GPM6B: variants seen among roughly 807,000 people sequenced by gnomAD.
The protein encoded by GPM6B is glycoprotein M6B, also known as neuronal membrane glycoprotein M6-b.
In GPM6B, 4 loss-of-function variants were observed where a neutral mutation model predicts 27.2. The observed-to-expected ratio is 0.15, with a 90% CI of 0.07 to 0.34. The LOEUF (loss-of-function observed/expected upper bound fraction) is 0.34, where lower values mean the gene tolerates loss of function less well. GPM6B is among the 10% of genes least tolerant of loss of function. GPM6B has a pLI of 1.00. For missense variants in GPM6B, 183 were observed against 261.9 expected (o/e 0.70, Z 2.08); for synonymous variants, 124 against 103.1 (o/e 1.20, Z -1.23).
intron 1 of GPM6B, among the ~76,000 whole-genome samples, chrX:13,916,906 C>T (rs1486112352): frequency 9.0e-6 from 1 of 111,283 alleles, no homozygotes; most frequent in Non-Finnish European, 1.9e-5. Context: ...CATCACTGTG[C>T]CCATGAATTA....
At chrX:13,778,775 A>T (rs2048462258) in intron 5 of GPM6B, among the ~76,000 whole-genome samples, 2 of 111,743 alleles carry the variant, frequency 1.8e-5, no homozygotes, top group Non-Finnish European at 3.8e-5. Context: ...TTAGATATTC[A>T]TTTACAAATA....
chrX:13,787,673 T>C (rs1410885013), intron 2 of GPM6B, among the ~76,000 whole-genome samples: 1 of 112,502 alleles, frequency 8.9e-6, no homozygotes, highest in East Asian at 2.8e-4. Context: ...CTCAATCTTA[T>C]TTTGTCACAT....
At chrX:13,774,534 C>T (rs765115975) in intron 7 of GPM6B, 4 of 1,206,253 alleles carry the variant, frequency 3.3e-6, no homozygotes, top group Non-Finnish European at 4.5e-6. Context: ...TCTAAAACTC[C>T]TTATGCAATT....
Position 13,861,033 on chromosome X carries a change from CACACACACACATATAT to C in GPM6B, c.-197-75241_-197-75226del, listed in dbSNP as rs1240039054. Among the ~76,000 whole-genome samples the C allele has an allele frequency of 1.7e-3, 154 of 91,507 alleles. 1 individual carries two copies. Among genetic ancestry groups the C allele is most frequent in the African/African-American group, 5.2e-3 (108 of 20,800 alleles). 79.5% of individuals were successfully genotyped at this position (91,507 alleles called of 115,157 possible). On this transcript the variant is annotated intron_variant, in intron 1 of 6. Transcript: ENST00000398361. ...ACACACACACACACACACACACACA[CACACACACACATATAT>C]ACATATATATACACATACATATATA...
chrX:13,925,345 T>C (rs1254480135), intron 1 of GPM6B, among the ~76,000 whole-genome samples: 1 of 111,809 alleles, frequency 8.9e-6, no homozygotes, highest in African/African-American at 3.3e-5. Context: ...TACTTTTTTA[T>C]TTTTTAGAAA....
intron 2 of GPM6B, among the ~76,000 whole-genome samples, chrX:13,805,047 C>T (rs1054361955): frequency 1.8e-5 from 2 of 111,283 alleles, no homozygotes; most frequent in Non-Finnish European, 3.8e-5. Context: ...ATTAACAGTC[C>T]CCGTGGAGGC....
chrX:13,934,278 G>A (rs1176751136), intron 1 of GPM6B, among the ~76,000 whole-genome samples: 2 of 111,109 alleles, frequency 1.8e-5, no homozygotes, highest in African/African-American at 6.5e-5. Flanking sequence ...GACTCAGAGG[G>A]AGGGAAGCTA....
chrX:13,907,136 G>A lies in GPM6B; in HGVS notation c.-198+31191C>T, dbSNP rs1211647057. 3.6e-5 allele frequency among the ~76,000 whole-genome samples: 4 copies of A among 112,189 alleles called. No homozygotes were observed. In the East Asian group the frequency reaches 8.3e-4, roughly 23 times the overall value. On this transcript the variant is annotated intron_variant, in intron 1 of 6. Coordinates refer to the GPM6B transcript ENST00000398361. Reference sequence around the variant, plus strand: ...TTTTGTGCTCTGTCAACTCTTAAGCGACCACAAAAGCCCTATGGGGGATAA... The same window carrying A: ...TTTTGTGCTCTGTCAACTCTTAAGCAACCACAAAAGCCCTATGGGGGATAA...
At chrX:13,841,805 G>A (rs1014631516) in intron 1 of GPM6B, among the ~76,000 whole-genome samples, 4 of 111,497 alleles carry the variant, frequency 3.6e-5, no homozygotes, top group Admixed American at 1.9e-4. Context: ...GGCTATCACC[G>A]ACCTTCATGG....
intron 2 of GPM6B, among the ~76,000 whole-genome samples, chrX:13,801,921 G>A (rs1375697832): frequency 9.0e-6 from 1 of 111,103 alleles, no homozygotes; most frequent in Admixed American, 9.6e-5. Context: ...ATTCCGTTTA[G>A]TACAAAAGCC....
At chrX:13,820,174 G>C (rs1365397738), upstream of GPM6B, among the ~76,000 whole-genome samples, 1 of 111,349 alleles carries the variant, frequency 9.0e-6, no homozygotes, top group East Asian at 2.8e-4. Flanking sequence ...AGGGTGGGTG[G>C]AGTATGAGAC....
intron 1 of GPM6B, among the ~76,000 whole-genome samples, chrX:13,920,886 G>A (rs1351399409): frequency 2.1e-5 from 2 of 96,799 alleles, no homozygotes; most frequent in South Asian, 4.8e-4. Context: ...GTGAGATTCC[G>A]CCTCAAAAAA....
chrX:13,820,585 A>G (rs1222329238), upstream of GPM6B, among the ~76,000 whole-genome samples: 1 of 110,999 alleles, frequency 9.0e-6, no homozygotes, highest in African/African-American at 3.3e-5. Context: ...GTTCTGCTCA[A>G]ATGCCATCTT....
chrX:13,911,971 C>T (rs1427799996), intron 1 of GPM6B, among the ~76,000 whole-genome samples: 2 of 112,231 alleles, frequency 1.8e-5, no homozygotes, highest in Non-Finnish European at 1.9e-5. Context: ...TCACCAATAA[C>T]CAATCTCCTG....
At chrX:13,800,090 T>C (rs1396874608) in intron 2 of GPM6B, among the ~76,000 whole-genome samples, 1 of 112,052 alleles carries the variant, frequency 8.9e-6, no homozygotes, top group Admixed American at 9.5e-5. Flanking sequence ...ATTGTCTCTC[T>C]GGCTGGCACA....
chrX:13,814,606 G>A (rs16979257), intron 1 of GPM6B, among the ~76,000 whole-genome samples: 4,582 of 112,028 alleles, frequency 0.041, 108 homozygotes, highest in East Asian at 0.12. Flanking sequence ...TGACAATCAC[G>A]CAGAAACATT....
chrX:13,892,458 C>T (rs1177074233), intron 1 of GPM6B, among the ~76,000 whole-genome samples: 1 of 112,289 alleles, frequency 8.9e-6, no homozygotes. Flanking sequence ...ACAACACACA[C>T]AATCAATTTC....
At chrX:13,774,146 C>T in intron 7 of GPM6B, 1 of 758,518 alleles carries the variant, frequency 1.3e-6, no homozygotes, top group Non-Finnish European at 1.6e-6. Flanking sequence ...GGTTCTCTTC[C>T]ATTTCATCTT....
chrX:13,896,402 C>T (rs1035144647), intron 1 of GPM6B, among the ~76,000 whole-genome samples: 1 of 108,713 alleles, frequency 9.2e-6, no homozygotes, highest in Non-Finnish European at 1.9e-5. Flanking sequence ...AGACGAAAAA[C>T]AGAGCCAGCT....
Sources: gnomAD v4.1 joint callset for allele counts (sites outside exome capture counted in the v4.1 genomes callset) on GRCh38, gnomAD v4.1.1 for gene constraint, MANE v1.5 for transcripts, NCBI Gene and HGNC (gene_info 2026-07-23, HGNC 2026-07-21) for gene names.